The following CD6 variants were observed in gnomAD, a reference collection of about 807,000 sequenced individuals.
CD6 encodes T-cell differentiation antigen CD6.
CD6 carries 53 observed loss-of-function variants against 75.3 expected under a neutral mutation model. That is an observed-to-expected ratio of 0.70 (90% CI 0.56 to 0.88). The LOEUF is 0.88. CD6 is among the 40% of genes least tolerant of loss of function. The pLI is 0.00. For missense variants in CD6, 770 were observed against 897.1 expected (o/e 0.86, Z 1.81); for synonymous variants, 359 against 381.5 (o/e 0.94, Z 0.69).
chr11:60,982,557 A>T, intron 1 of CD6: 1 of 455,738 alleles, frequency 2.2e-6, no homozygotes, highest in Non-Finnish European at 4.4e-6. Context: ...GGCCTGGAGG[A>T]GGCCCGTTCC....
chr11:61,000,883 G>C (rs763180451), intron 1 of CD6, among the ~76,000 whole-genome samples: 66 of 152,206 alleles, frequency 4.3e-4, no homozygotes, highest in African/African-American at 1.4e-3. Context: ...TGTCCCACTC[G>C]GGGACTTCTG....
At chr11:60,977,996 G>T (rs1221508288) in intron 1 of CD6, among the ~76,000 whole-genome samples, 1 of 152,096 alleles carries the variant, frequency 6.6e-6, no homozygotes, top group Non-Finnish European at 1.5e-5. Flanking sequence ...CAAAAGGGAG[G>T]GCTGTAGATG....
At chr11:60,993,818 A>G (rs1858162934) in intron 1 of CD6, among the ~76,000 whole-genome samples, 1 of 152,076 alleles carries the variant, frequency 6.6e-6, no homozygotes, top group African/African-American at 2.4e-5. Context: ...TTCCCAGCAT[A>G]TGCAACAAGT....
intron 1 of CD6, among the ~76,000 whole-genome samples, chr11:61,005,472 CAG>C (rs750415745): frequency 5.9e-5 from 9 of 152,228 alleles, no homozygotes; most frequent in South Asian, 2.1e-4. Flanking sequence ...CCCAGGAAGA[CAG>C]GGGTTAATCC....
chr11:61,007,549 G>T lies in CD6; in HGVS notation c.119-11G>T. On this transcript the variant is annotated splice_polypyrimidine_tract_variant and intron_variant, in intron 2 of 12. Coordinates refer to ENST00000313421, the MANE Select transcript of CD6 (RefSeq NM_006725.5). This position sits in a 1 kb window ranked among gnomAD's most constrained non-coding sequence, Gnocchi z 4.2. ...CCCACCGGTCTCAGCTCTCTGGTCT[G>T]ACACTTCCAGGGGAGCGGCTTCCGG... The T allele has an allele frequency of 6.8e-7, 1 of 1,475,430 alleles. No homozygotes were observed. Among genetic ancestry groups the T allele is most frequent in the South Asian group, 1.3e-5 (1 of 75,498 alleles). The allele number at this position is 1,475,430 out of a possible 1,614,324, so 91.4% of individuals were successfully genotyped here.
Position 61,013,432 on chromosome 11 carries a change from T to C in CD6, c.1160T>C (p.Val387Ala). The change falls in exon 7 of 13, where the codon GTG (valine) becomes GCG (alanine). Residue 387 changes from valine to alanine, a missense_variant. Coordinates refer to ENST00000313421, the MANE Select transcript of CD6 (RefSeq NM_006725.5). ...SVQTVTIESSVTVKIENKESR... is the reference protein window; with the variant it reads ...SVQTVTIESSATVKIENKESR... ...GAATTCTTGTTTCCAGAATCTTCTGTGACAGTGAAAATAGAGAACAAGGAA... is the reference window on the plus strand; with the variant it reads ...GAATTCTTGTTTCCAGAATCTTCTGCGACAGTGAAAATAGAGAACAAGGAA... 6.2e-7 allele frequency: 1 copy of C among 1,614,094 alleles called. No individual in the cohort carries two copies. The highest frequency in any genetic ancestry group is 8.5e-7 in the Non-Finnish European group (1 of 1,179,978).
chr11:60,975,525 G>C (rs1227018852), intron 1 of CD6, among the ~76,000 whole-genome samples: 2 of 152,104 alleles, frequency 1.3e-5, no homozygotes, highest in Non-Finnish European at 2.9e-5. Context: ...TTCTGGTCTG[G>C]TGTGGTAGTT....
intron 1 of CD6, among the ~76,000 whole-genome samples, chr11:60,981,000 G>A (rs576796145): frequency 7.9e-4 from 121 of 152,274 alleles, no homozygotes; most frequent in African/African-American, 2.6e-3. Flanking sequence ...AATTCCCAAA[G>A]GAGCTGAGGT....
In CD6 at chr11:61,011,386, C is replaced by T. The variant is rs1356892054; in HGVS notation, c.1150+251C>T. ...CTTCCTGGACAGAAGTCCATTCCCC[C>T]ACTTTCCTGTGAGCTGCTGGAGGGC... On this transcript the variant is annotated intron_variant, in intron 6 of 12. Coordinates refer to ENST00000313421, the MANE Select transcript of CD6 (RefSeq NM_006725.5). 2.6e-5 allele frequency among the ~76,000 whole-genome samples: 4 copies of T among 151,922 alleles called. No individual in the cohort carries two copies. The East Asian group carries it at 7.8e-4, about 29-fold the overall frequency.
Position 61,017,822 on chromosome 11 carries a change from C to G in CD6, c.1646C>G (p.Pro549Arg). The G allele has an allele frequency of 6.2e-7, 1 of 1,614,126 alleles. No homozygotes were observed. Among genetic ancestry groups the G allele is most frequent in the South Asian group, 1.1e-5 (1 of 91,076 alleles). The change falls in exon 11 of 13, where the codon CCG (proline) becomes CGG (arginine). Residue 549 changes from proline (P) to arginine (R), a missense_variant. By Grantham distance (103) the Pro-to-Arg change is moderately radical (BLOSUM62 -2). Transcript: ENST00000313421. ...TANPGHCITD[P>R]PSLGPQYHPR... Reference sequence around the variant, plus strand: ...AACCCTGGACACTGCATTACAGACCCGCCATCCCTGGGCCCTCAGTATCAC... The same window carrying G: ...AACCCTGGACACTGCATTACAGACCGGCCATCCCTGGGCCCTCAGTATCAC...
At chr11:61,019,146 A>G in intron 12 of CD6, 108 bp from the exon 13 acceptor site, 1 of 738,588 alleles carries the variant, frequency 1.4e-6, no homozygotes, top group Middle Eastern at 2.4e-4. Flanking sequence ...GGCTTCATGC[A>G]GCATCCCACG....
rs372853178 is a variant in CD6, at chr11:61,018,310, G to C, written c.1859G>C (p.Ser620Thr). Residue 620 changes from serine to threonine, a missense_variant, in exon 12 of 13, where the codon AGC becomes ACC. By Grantham distance (58) the Ser-to-Thr change is moderately conservative (BLOSUM62 1). Transcript: ENST00000313421. ...AFSAGPPADDSSSTSSGEWYQ... is the reference protein window; with the variant it reads ...AFSAGPPADDTSSTSSGEWYQ... ...CCAGCAGGGCCCCCGGCTGATGACA[G>C]CTCCAGCACCTCATCCGGGGAGTGG... is the stretch of plus-strand genomic sequence containing the variant. The C allele has an allele frequency of 3.2e-5, 51 of 1,606,538 alleles. No homozygotes were observed. Among genetic ancestry groups the C allele is most frequent in the Middle Eastern group, 3.6e-4 (2 of 5,606 alleles).
chr11:61,007,486 GAGTC>G lies in CD6; in HGVS notation c.119-70_119-67del. 1 of 1,170,112 alleles carries G rather than the reference GAGTC, an allele frequency of 8.5e-7. No individual in the cohort carries two copies. Among genetic ancestry groups the G allele is most frequent in the South Asian group, 2.1e-5 (1 of 48,362 alleles). 72.5% of individuals were successfully genotyped at this position (1,170,112 alleles called of 1,614,324 possible). A position where few individuals can be genotyped will look rare whatever the true frequency, so the allele number is the denominator to read the frequency against. ...AGGGCGTTGTCAAAGTTCACGCACA[GAGTC>G]AGTGGCAGAGCCTGGGCAACCCTCT... On this transcript the variant is annotated intron_variant, in intron 2 of 12. Transcript: ENST00000313421. The surrounding 1 kb of genome is among the most constrained non-coding windows in gnomAD (Gnocchi z 4.2).
chr11:60,990,170 C>T (rs977904571), intron 1 of CD6, among the ~76,000 whole-genome samples: 4 of 152,084 alleles, frequency 2.6e-5, no homozygotes, highest in African/African-American at 7.2e-5. Flanking sequence ...CCAGACATTT[C>T]GTTAGAGAGG....
intron 1 of CD6, among the ~76,000 whole-genome samples, chr11:61,005,440 G>T (rs555290750): frequency 3.3e-5 from 5 of 152,334 alleles, no homozygotes; most frequent in Admixed American, 1.3e-4. Context: ...CCCATTGGCT[G>T]AATCTGACAG....
intron 1 of CD6, among the ~76,000 whole-genome samples, chr11:60,994,465 A>AAAAAAAC (rs1554993198): frequency 7.2e-6 from 1 of 138,276 alleles, no homozygotes; most frequent in Non-Finnish European, 1.6e-5. Flanking sequence ...GCCAAAAAAA[A>AAAAAAAC]AAAAAAGCTG....
At chr11:61,013,835 G>A in intron 7 of CD6, 84 bp from the exon 8 acceptor site, 3 of 935,464 alleles carry the variant, frequency 3.2e-6, no homozygotes, top group Non-Finnish European at 4.9e-6. Context: ...GGAGGGTGGT[G>A]TGTCGATGAG....
chr11:60,992,780 A>T (rs1356127784), intron 1 of CD6, among the ~76,000 whole-genome samples: 1 of 152,176 alleles, frequency 6.6e-6, no homozygotes, highest in Non-Finnish European at 1.5e-5. Flanking sequence ...GTGAACCAAG[A>T]TCGTGCCACT....
In CD6 at chr11:61,007,505, G is replaced by A; in HGVS notation, c.119-55G>A. 2 of 1,312,192 alleles carry A rather than the reference G, an allele frequency of 1.5e-6. No homozygotes were observed. Among genetic ancestry groups the A allele is most frequent in the Non-Finnish European group, 2.0e-6 (2 of 1,005,728 alleles). The allele number at this position is 1,312,192 out of a possible 1,614,324, so 81.3% of individuals were successfully genotyped here. A position where few individuals can be genotyped will look rare whatever the true frequency, so the allele number is the denominator to read the frequency against. On this transcript the variant is annotated intron_variant, in intron 2 of 12. Transcript: ENST00000313421. This position sits in a 1 kb window ranked among gnomAD's most constrained non-coding sequence, Gnocchi z 4.2. Reference sequence around the variant, plus strand: ...CGCACAGAGTCAGTGGCAGAGCCTGGGCAACCCTCTGCCCAGGCCCCACCG... The same window carrying A: ...CGCACAGAGTCAGTGGCAGAGCCTGAGCAACCCTCTGCCCAGGCCCCACCG...
Sources: allele counts gnomAD v4.1 joint callset (sites outside exome capture counted in the v4.1 genomes callset), GRCh38; gene constraint gnomAD v4.1.1; non-coding constraint Gnocchi (gnomAD v3.1); transcripts MANE v1.5; gene names NCBI Gene and HGNC (gene_info 2026-07-23, HGNC 2026-07-21).